RRM1: variants seen among roughly 807,000 people sequenced by gnomAD.
RRM1 encodes the protein ribonucleoside-diphosphate reductase large subunit.
Under a neutral mutation model 101.5 loss-of-function variants are expected in RRM1, and 19 were observed. The ratio of observed to expected loss-of-function variants is 0.19; its 90% CI spans 0.13 to 0.27. RRM1 has a LOEUF of 0.27. Among genes scored for constraint, RRM1 ranks in the 10% least tolerant of loss-of-function variants. RRM1 has a pLI of 1.00. For missense variants in RRM1, 500 were observed against 962.9 expected, an observed-to-expected ratio of 0.52 and a Z score of 6.36; for synonymous variants, 298 against 323.4, an observed-to-expected ratio of 0.92 and a Z score of 0.84.
intron 1 of RRM1, 149 bp downstream of exon 1, chr11:4,095,180 G>T: frequency 1.0e-6 from 1 of 981,246 alleles, no homozygotes; most frequent in Non-Finnish European, 1.5e-6. Context: ...CAGCCCGCTC[G>T]GCCTTCTGTC....
At chr11:4,115,875 C>G (rs1055906857) in intron 7 of RRM1, among the ~76,000 whole-genome samples, 1 of 151,910 alleles carries the variant, frequency 6.6e-6, no homozygotes, top group African/African-American at 2.4e-5. Context: ...ACTTATATCT[C>G]GATAGGAGAA....
chr11:4,108,372 G>A (rs1250894927), intron 4 of RRM1, among the ~76,000 whole-genome samples: 2 of 152,120 alleles, frequency 1.3e-5, no homozygotes, highest in African/African-American at 2.4e-5. Flanking sequence ...GCTGAGGCGG[G>A]TGGATCACGG....
rs113090419 is a variant in RRM1 at position 4,102,064 on chromosome 11, A to G, written c.91A>G (p.Met31Val). The change falls in exon 2 of 19, where the codon ATG becomes GTG. Residue 31 changes from methionine to valine, a missense_variant. Met to Val is a conservative substitution (Grantham distance 21). Transcript: ENST00000300738. ...CCAGAAGCTTTGTTATGGACTCAAT[A>G]TGGATTTTGTTGATCCTGTAAGTAA... ...RIQKLCYGLN[M>V]DFVDPAQITM... 2.5e-6 allele frequency: 4 copies of G among 1,577,552 alleles called. No homozygotes were observed. The highest frequency in any genetic ancestry group is 2.2e-5 in the East Asian group (1 of 44,648).
intron 7 of RRM1, among the ~76,000 whole-genome samples, chr11:4,114,169 A>G (rs1379689359): frequency 6.6e-6 from 1 of 151,886 alleles, no homozygotes; most frequent in Non-Finnish European, 1.5e-5. Flanking sequence ...AAAAGATACA[A>G]AATGATACAT....
chr11:4,136,488 C>G (rs1397204108), intron 18 of RRM1, among the ~76,000 whole-genome samples: 1 of 151,932 alleles, frequency 6.6e-6, no homozygotes, highest in African/African-American at 2.4e-5. Flanking sequence ...CCAAAGTGCT[C>G]GAATTACAGG....
At chr11:4,102,197 C>G (rs232054) in intron 2 of RRM1, 116 bp downstream of exon 2, 295,938 of 631,778 alleles carry the variant, frequency 0.47, 74,618 homozygotes, top group Non-Finnish European at 0.54. Flanking sequence ...CTATGCCCTT[C>G]GATATAAAAT....
At chr11:4,110,864 A>C (rs540245509) in intron 5 of RRM1, among the ~76,000 whole-genome samples, 1 of 152,028 alleles carries the variant, frequency 6.6e-6, no homozygotes, top group South Asian at 2.1e-4. Context: ...CCTGATGTAT[A>C]TGTTGCTCAT....
intron 18 of RRM1, chr11:4,137,254 C>T (rs1023041473): frequency 4.4e-5 from 11 of 249,046 alleles, no homozygotes. Context: ...CCGCCATTGT[C>T]ATCTTGGCCC....
In RRM1 at chr11:4,127,118, T is replaced by A; in HGVS notation, c.1554T>A (p.Pro518=). ...ATGCTTTTATCCTGATGAGATACCC[T>A]TTTGAGAGTGCAGAAGCCCAGTTAC... ...LADAFILMRY[P]FESAEAQLLN... is the part of the protein sequence containing the mutation. Residue 518 remains proline, a synonymous_variant, in exon 14 of 19, where the codon CCT becomes CCA. Transcript: ENST00000300738. 6.2e-7 allele frequency: 1 copy of A among 1,614,048 alleles called. No homozygotes were observed. The highest frequency in any genetic ancestry group is 8.5e-7 in the Non-Finnish European group (1 of 1,179,964).
At chr11:4,131,400 G>A (rs879662652) in intron 15 of RRM1, among the ~76,000 whole-genome samples, 2 of 152,208 alleles carry the variant, frequency 1.3e-5, no homozygotes, top group African/African-American at 2.4e-5. Context: ...TACAGACTCC[G>A]TCAGGATATG....
Position 4,138,315 on chromosome 11 carries a change from G to A in RRM1, c.2311G>A (p.Glu771Lys). The change falls in exon 19 of 19, where the codon GAG (glutamate) becomes AAG (lysine). Residue 771 changes from glutamate to lysine, a missense_variant. Glu to Lys is a moderately conservative substitution (Grantham distance 56). Coordinates refer to ENST00000300738, the MANE Select transcript of RRM1 (RefSeq NM_001033.5). ...GGTATCAAAAGAGGAAGAAGAGAAG[G>A]AGAGGAACACAGCAGCCATGGTGTG... ...EKVSKEEEEK[E>K]RNTAAMVCSL... is the part of the protein sequence containing the mutation. The A allele has an allele frequency of 6.2e-7, 1 of 1,613,004 alleles. No homozygotes were observed.
intron 2 of RRM1, among the ~76,000 whole-genome samples, chr11:4,105,348 A>G (rs759432642): frequency 5.9e-5 from 9 of 151,826 alleles, no homozygotes; most frequent in Non-Finnish European, 1.2e-4. Context: ...CTCCCACCTC[A>G]GCTTACCCTG....
At position 4,106,211 on chromosome 11, in the gene RRM1, A is replaced by G; in HGVS notation, c.274A>G (p.Lys92Glu). 1 of 1,613,528 alleles carries G rather than the reference A, an allele frequency of 6.2e-7. No individual in the cohort carries two copies. The highest frequency in any genetic ancestry group is 1.1e-5 in the South Asian group (1 of 90,942). The change falls in exon 3 of 19, where the codon AAA (lysine) becomes GAA (glutamate). Residue 92 changes from lysine (K) to glutamate (E), a missense_variant. Coordinates refer to ENST00000300738, the MANE Select transcript of RRM1 (RefSeq NM_001033.5). The stretch of plus-strand genomic sequence containing the variant: ...CTCTAACTTGCACAAAGAAACAAAG[A>G]AAGTGTTCAGTGGTAAGTCTGGGGT... ...AVSNLHKETK[K>E]VFSDVMEDLY...
chr11:4,107,018 C>T (rs1473213449), intron 3 of RRM1, among the ~76,000 whole-genome samples: 8 of 152,120 alleles, frequency 5.3e-5, no homozygotes, highest in Admixed American at 3.3e-4. Context: ...CTCAGCCTCC[C>T]GAGTAGTTGG....
chr11:4,100,111 A>G (rs2094549126), intron 1 of RRM1, among the ~76,000 whole-genome samples: 1 of 152,274 alleles, frequency 6.6e-6, no homozygotes, highest in African/African-American at 2.4e-5. Context: ...TGAGAAAATT[A>G]TCACAATGGT....
intron 14 of RRM1, among the ~76,000 whole-genome samples, chr11:4,128,148 C>A (rs563415293): frequency 4.0e-5 from 6 of 149,732 alleles, no homozygotes; most frequent in South Asian, 2.1e-4. Context: ...GTCCTCACCA[C>A]CCCCCTGTCC....
intron 18 of RRM1, among the ~76,000 whole-genome samples, chr11:4,136,907 G>T (rs2094611505): frequency 1.3e-5 from 2 of 151,642 alleles, no homozygotes; most frequent in Admixed American, 6.6e-5. Flanking sequence ...CTAGGCAGAG[G>T]ACCCTGCGGC....
At chr11:4,120,441 G>A (rs188780758) in intron 9 of RRM1, among the ~76,000 whole-genome samples, 10 of 151,770 alleles carry the variant, frequency 6.6e-5, no homozygotes, top group African/African-American at 1.9e-4. Context: ...TTGGCTCACC[G>A]TAGCCTTGAC....
intron 18 of RRM1, among the ~76,000 whole-genome samples, chr11:4,136,377 A>T (rs368406918): frequency 6.6e-6 from 1 of 151,282 alleles, no homozygotes; most frequent in Admixed American, 6.6e-5. Context: ...GTGCCAACAC[A>T]CCTGGCTAAT....
Sources: gnomAD v4.1 joint callset for allele counts (sites outside exome capture counted in the v4.1 genomes callset) on GRCh38, gnomAD v4.1.1 for gene constraint, MANE v1.5 for transcripts, NCBI Gene and HGNC (gene_info 2026-07-23, HGNC 2026-07-21) for gene names.